XKR4: variants seen among roughly 807,000 people sequenced by gnomAD.
XKR4 encodes the protein XK related 4.
A neutral mutation model predicts 53.9 loss-of-function variants in XKR4; 12 were observed. The ratio of observed to expected loss-of-function variants is 0.22; its 90% CI spans 0.14 to 0.36. The LOEUF is 0.36. Ranked by LOEUF, XKR4 falls within the 10% of genes least tolerant of loss-of-function variation. The pLI is 1.00. For synonymous variants in XKR4, 354 were observed against 362.4 expected, an observed-to-expected ratio of 0.98 and a Z score of 0.26; for missense variants, 799 against 859.5, an observed-to-expected ratio of 0.93 and a Z score of 0.88.
At position 55,265,588 on chromosome 8, in the gene XKR4, T is replaced by C. The variant is rs72651884; in HGVS notation, c.807-92090T>C. On this transcript the variant is annotated intron_variant, in intron 1 of 2. Transcript: ENST00000327381. ...AAGGGAGGGGGCTGGGCATAGTGGC[T>C]CATTCCTGTAATCCCAGCAATTTGG... Among the ~76,000 whole-genome samples, 240 of 152,308 alleles carry C rather than the reference T, an allele frequency of 1.6e-3. 1 individual carries two copies. Among genetic ancestry groups the C allele is most frequent in the South Asian group, 3.5e-3 (17 of 4,820 alleles).
chr8:55,447,465 A>C (rs2129395705), intron 2 of XKR4, among the ~76,000 whole-genome samples: 1 of 152,322 alleles, frequency 6.6e-6, no homozygotes, highest in South Asian at 2.1e-4. Flanking sequence ...GAAAGAAAGG[A>C]AAGACCCCAC....
At chr8:55,334,384 T>A (rs1205352236) in intron 1 of XKR4, among the ~76,000 whole-genome samples, 1 of 152,168 alleles carries the variant, frequency 6.6e-6, no homozygotes, top group East Asian at 1.9e-4. Context: ...AGCTTAGGGC[T>A]GGGTCATGAT....
intron 1 of XKR4, among the ~76,000 whole-genome samples, chr8:55,206,278 C>T (rs1817649846): frequency 6.6e-6 from 1 of 152,184 alleles, no homozygotes; most frequent in African/African-American, 2.4e-5. Flanking sequence ...CTGATTGGTC[C>T]ATTTTACAGA....
At chr8:55,460,011 G>GAA (rs34496086) in intron 2 of XKR4, among the ~76,000 whole-genome samples, 18,017 of 133,622 alleles carry the variant, frequency 0.13, 1,278 homozygotes, top group East Asian at 0.39. Context: ...GCCAAATGCT[G>GAA]AAAAAAAAAA....
chr8:55,311,841 AAAAAAAAAAAGAAAAG>A lies in XKR4; in HGVS notation c.807-45831_807-45816del, dbSNP rs1309608168. Among the ~76,000 whole-genome samples, 145 of 150,274 alleles carry A rather than the reference AAAAAAAAAAAGAAAAG, an allele frequency of 9.6e-4. 1 individual carries two copies. The highest frequency in any genetic ancestry group is 3.4e-3 in the African/African-American group (139 of 41,178). On this transcript the variant is annotated intron_variant, in intron 1 of 2. Transcript: ENST00000327381. ...CTCTGTAATTTAGCAAAAAAAAAAA[AAAAAAAAAAAGAAAAG>A]AAAAAGAAAAGAAAAAACTAAACAC...
chr8:55,191,958 A>T (rs1054267654), intron 1 of XKR4, among the ~76,000 whole-genome samples: 1 of 151,546 alleles, frequency 6.6e-6, no homozygotes, highest in Non-Finnish European at 1.5e-5. Flanking sequence ...TGATGACGTA[A>T]TGACTTGCTC....
At chr8:55,496,709 A>G (rs773502872) in intron 2 of XKR4, among the ~76,000 whole-genome samples, 1 of 152,224 alleles carries the variant, frequency 6.6e-6, no homozygotes, top group Non-Finnish European at 1.5e-5. Context: ...TTGAATCTCT[A>G]TATGTTATAT....
At chr8:55,253,413 A>G (rs1243716336) in intron 1 of XKR4, among the ~76,000 whole-genome samples, 2 of 152,200 alleles carry the variant, frequency 1.3e-5, no homozygotes, top group African/African-American at 2.4e-5. Flanking sequence ...ATCTTCATCT[A>G]TAATTTCTAC....
intron 2 of XKR4, among the ~76,000 whole-genome samples, chr8:55,509,769 TCTAAGAACC>T (rs1276110918): frequency 6.6e-6 from 1 of 152,202 alleles, no homozygotes; most frequent in Non-Finnish European, 1.5e-5. Flanking sequence ...CATTTCATCC[TCTAAGAACC>T]CTAGACTAGA....
chr8:55,467,123 G>C (rs1183180254), intron 2 of XKR4, among the ~76,000 whole-genome samples: 2 of 152,116 alleles, frequency 1.3e-5, no homozygotes. Flanking sequence ...GTGGCTGGCA[G>C]AATGCAGGTC....
intron 2 of XKR4, among the ~76,000 whole-genome samples, chr8:55,371,622 C>G (rs1408317336): frequency 6.6e-6 from 1 of 152,158 alleles, no homozygotes; most frequent in African/African-American, 2.4e-5. Flanking sequence ...AGGAAAGAAT[C>G]ACAAAACTCA....
chr8:55,215,924 A>G (rs899233407), intron 1 of XKR4, among the ~76,000 whole-genome samples: 4 of 152,196 alleles, frequency 2.6e-5, no homozygotes, highest in Middle Eastern at 3.2e-3. Flanking sequence ...TTGAAAAGAA[A>G]CTGTTTTCTT....
intron 1 of XKR4, among the ~76,000 whole-genome samples, chr8:55,149,871 C>A (rs1043449011): frequency 1.3e-5 from 2 of 152,142 alleles, no homozygotes; most frequent in African/African-American, 4.8e-5. Context: ...ATAGTGAGGG[C>A]CTTGGCTATT....
intron 2 of XKR4, among the ~76,000 whole-genome samples, chr8:55,457,141 C>CTTTTTTT (rs1585584417): frequency 1.1e-5 from 1 of 92,278 alleles, no homozygotes; most frequent in African/African-American, 3.5e-5. Context: ...ATTTTTTTTC[C>CTTTTTTT]TTTTCTTTTT....
chr8:55,492,845 A>T (rs1033854467), intron 2 of XKR4, among the ~76,000 whole-genome samples: 5 of 152,154 alleles, frequency 3.3e-5, no homozygotes, highest in Non-Finnish European at 7.3e-5. Flanking sequence ...TGAATTTTAG[A>T]TCTCTCTCCT....
chr8:55,365,196 GGCTCCACTCTTCCGCAGCCTGCTGT>G (rs1803960154), intron 2 of XKR4, among the ~76,000 whole-genome samples: 1 of 152,156 alleles, frequency 6.6e-6, no homozygotes, highest in Admixed American at 6.5e-5. Context: ...GGCTGCAGCC[GGCTCCACTCTTCCGCAGCCTGCTGT>G]GCGCGCTGGC....
In XKR4 at chr8:55,376,349, C is replaced by T. The variant is rs138795858; in HGVS notation, c.1006+18472C>T. Among the ~76,000 whole-genome samples, 1,504 of 152,254 alleles carry T rather than the reference C, an allele frequency of 9.9e-3. 10 individuals are homozygous for T. Among genetic ancestry groups the T allele is most frequent in the African/African-American group, 0.021 (858 of 41,550 alleles). On this transcript the variant is annotated intron_variant, in intron 2 of 2. Coordinates refer to ENST00000327381, the MANE Select transcript of XKR4 (RefSeq NM_052898.2). ...AACTAATTTACATTCCCACCAACAA[C>T]GTAAAAGCATTCCTATTTCTCTGCA... is the stretch of plus-strand genomic sequence containing the variant.
At chr8:55,219,639 A>G (rs1308022111) in intron 1 of XKR4, among the ~76,000 whole-genome samples, 1 of 152,126 alleles carries the variant, frequency 6.6e-6, no homozygotes, top group Non-Finnish European at 1.5e-5. Context: ...GCAAACCAAC[A>G]ACCTCTCCCC....
At chr8:55,414,515 A>C (rs1804817626) in intron 2 of XKR4, among the ~76,000 whole-genome samples, 1 of 149,354 alleles carries the variant, frequency 6.7e-6, no homozygotes, top group South Asian at 2.1e-4. Flanking sequence ...AATATATGTA[A>C]GATATATAAT....
Sources: allele counts gnomAD v4.1 joint callset (sites outside exome capture counted in the v4.1 genomes callset), GRCh38; gene constraint gnomAD v4.1.1; transcripts MANE v1.5; gene names NCBI Gene and HGNC (gene_info 2026-07-23, HGNC 2026-07-21).